Variants in EDNRB observed in about 807,000 individuals in gnomAD.
EDNRB encodes the protein Hirschsprung disease 2.
A neutral mutation model predicts 46.4 loss-of-function variants in EDNRB; 18 were observed. The observed-to-expected ratio is 0.39, with a 90% CI of 0.27 to 0.57. The LOEUF (loss-of-function observed/expected upper bound fraction) is 0.57. Ranked by LOEUF, EDNRB falls within the 20% of genes least tolerant of loss-of-function variation. EDNRB has a pLI of 0.61. For missense variants in EDNRB, 434 were observed against 537.5 expected (o/e 0.81, Z 1.90); for synonymous variants, 213 against 204.9 (o/e 1.04, Z -0.34).
intron 1 of EDNRB, among the ~76,000 whole-genome samples, chr13:77,924,802 GA>G: frequency 6.6e-6 from 1 of 152,256 alleles, no homozygotes; most frequent in Non-Finnish European, 1.5e-5. Context: ...CTGTTCTCGT[GA>G]TAGTGAATGG....
rs142052974 is a variant in EDNRB at position 77,930,127 on chromosome 13, A to G, written c.-51-11503T>C. Among the ~76,000 whole-genome samples, 535 of 152,242 alleles carry G rather than the reference A, an allele frequency of 3.5e-3. 2 individuals are homozygous for G. The highest frequency in any genetic ancestry group is 6.2e-3 in the Non-Finnish European group (423 of 68,000). ...GGATTGCCTTTTTTTTTGATGATCA[A>G]CTATACGAGGAGCAGGAAATGGGCA... On this transcript the variant is annotated intron_variant, in intron 1 of 7. Transcript: ENST00000646948.
At chr13:77,903,835 G>A (rs545564193) in intron 1 of EDNRB, among the ~76,000 whole-genome samples, 32 of 152,048 alleles carry the variant, frequency 2.1e-4, no homozygotes, top group African/African-American at 7.7e-4. Context: ...GTCATCATGC[G>A]TATACAGTAG....
upstream of EDNRB, among the ~76,000 whole-genome samples, chr13:77,924,192 A>C (rs778921674): frequency 2.0e-5 from 3 of 152,226 alleles, no homozygotes; most frequent in Non-Finnish European, 4.4e-5. Context: ...AGCCATGCCA[A>C]TTTCATAAGG....
At chr13:77,912,905 C>G (rs532404616) in intron 1 of EDNRB, among the ~76,000 whole-genome samples, 59 of 152,116 alleles carry the variant, frequency 3.9e-4, no homozygotes, top group Non-Finnish European at 7.2e-4. Context: ...TTAGACTCCT[C>G]TCCCAATGAT....
chr13:77,921,810 C>A (rs1449669896), upstream of EDNRB, among the ~76,000 whole-genome samples: 3 of 152,172 alleles, frequency 2.0e-5, no homozygotes, highest in Non-Finnish European at 4.4e-5. Flanking sequence ...TTACTTCTTG[C>A]TCCAATAAAT....
At chr13:77,935,712 G>C (rs1880541511) in intron 1 of EDNRB, among the ~76,000 whole-genome samples, 1 of 152,200 alleles carries the variant, frequency 6.6e-6, no homozygotes, top group South Asian at 2.1e-4. Context: ...GTACAGCCCA[G>C]GTAATTTGCT....
chr13:77,945,893 A>C (rs200804476), intron 1 of EDNRB, among the ~76,000 whole-genome samples: 185 of 139,158 alleles, frequency 1.3e-3, no homozygotes, highest in African/African-American at 3.8e-3. Flanking sequence ...AAAAAAAAAA[A>C]CAAAAAAAAC....
In EDNRB at chr13:77,896,308, G is replaced by A. The variant is rs41288258; in HGVS notation, c.*1892C>T. On this transcript the variant is annotated 3_prime_UTR_variant, in exon 7 of 7. Transcript: ENST00000646607. Reference sequence around the variant, plus strand: ...ATATTAATAAACTGTGAAAATATTAGTGATTCAAAATTAATTTAAAATTGA... The same window carrying A: ...ATATTAATAAACTGTGAAAATATTAATGATTCAAAATTAATTTAAAATTGA... The A allele has an allele frequency of 1.9e-5, 15 of 790,868 alleles. No individual in the cohort carries two copies. Among genetic ancestry groups the A allele is most frequent in the Non-Finnish European group, 2.7e-5 (15 of 554,582 alleles). The allele number at this position is 790,868 out of a possible 1,614,324, so 49.0% of individuals were successfully genotyped here. A position where few individuals can be genotyped will look rare whatever the true frequency, so the allele number is the denominator to read the frequency against.
intron 1 of EDNRB, among the ~76,000 whole-genome samples, chr13:77,958,883 T>A (rs1248492613): frequency 6.6e-6 from 1 of 152,174 alleles, no homozygotes; most frequent in Non-Finnish European, 1.5e-5. Context: ...TTCTATCTGA[T>A]CTGAGCACCT....
At chr13:77,938,353 G>T (rs1880630296) in intron 1 of EDNRB, among the ~76,000 whole-genome samples, 1 of 151,916 alleles carries the variant, frequency 6.6e-6, no homozygotes, top group Non-Finnish European at 1.5e-5. Context: ...AAGAGGTCGG[G>T]GTATGGAAAT....
intron 1 of EDNRB, among the ~76,000 whole-genome samples, chr13:77,964,373 C>T (rs997242590): frequency 6.6e-6 from 1 of 152,174 alleles, no homozygotes; most frequent in African/African-American, 2.4e-5. Context: ...CACTTGGAAC[C>T]AACCCAAATG....
rs548091290 is a variant in EDNRB, at chr13:77,925,009, A to G, written c.-51-6385T>C. Among the ~76,000 whole-genome samples the G allele has an allele frequency of 7.2e-5, 11 of 152,334 alleles. No individual in the cohort carries two copies. The South Asian group carries it at 2.3e-3, about 32-fold the overall frequency. Reference sequence around the variant, plus strand: ...ATTACCCTATCCCAGATATATGTTTATCAGCAGCCTGAAAACGGACTAACA... The same window carrying G: ...ATTACCCTATCCCAGATATATGTTTGTCAGCAGCCTGAAAACGGACTAACA... On this transcript the variant is annotated intron_variant, in intron 1 of 7. Coordinates refer to the EDNRB transcript ENST00000646948.
At chr13:77,959,132 T>G (rs1290686082) in intron 1 of EDNRB, among the ~76,000 whole-genome samples, 1 of 152,178 alleles carries the variant, frequency 6.6e-6, no homozygotes, top group African/African-American at 2.4e-5. Context: ...ATGCAATCCT[T>G]CATCATTACT....
At chr13:77,963,199 G>A (rs1265472689) in intron 1 of EDNRB, among the ~76,000 whole-genome samples, 2 of 152,130 alleles carry the variant, frequency 1.3e-5, no homozygotes, top group East Asian at 1.9e-4. Context: ...TACTGCCCAA[G>A]TAATTTATAG....
intron 1 of EDNRB, among the ~76,000 whole-genome samples, chr13:77,909,155 A>C (rs1879444100): frequency 6.6e-6 from 1 of 152,070 alleles, no homozygotes. Flanking sequence ...ATACTGGCTA[A>C]AAGATTTCTA....
chr13:77,897,021 T>G lies in EDNRB; in HGVS notation c.*1179A>C. 1 of 988,848 alleles carries G rather than the reference T, an allele frequency of 1.0e-6. No individual in the cohort carries two copies. 61.3% of individuals were successfully genotyped at this position (988,848 alleles called of 1,614,324 possible). A position where few individuals can be genotyped will look rare whatever the true frequency, so the allele number is the denominator to read the frequency against. ...ATAAGCTTTACAGGTAGCTGTTAAATGTACTAATCTGTATGATTTTGAAAA... is the reference window on the plus strand; with the variant it reads ...ATAAGCTTTACAGGTAGCTGTTAAAGGTACTAATCTGTATGATTTTGAAAA... On this transcript the variant is annotated 3_prime_UTR_variant, in exon 7 of 7. Transcript: ENST00000646607.
At chr13:77,948,193 G>T (rs1472512144) in intron 1 of EDNRB, among the ~76,000 whole-genome samples, 2 of 152,136 alleles carry the variant, frequency 1.3e-5, no homozygotes, top group Non-Finnish European at 1.5e-5. Context: ...GTTGAAGATA[G>T]ATTTACTTTT....
At chr13:77,910,671 A>G (rs1463986175) in intron 1 of EDNRB, among the ~76,000 whole-genome samples, 5 of 152,030 alleles carry the variant, frequency 3.3e-5, no homozygotes, top group African/African-American at 1.2e-4. Flanking sequence ...AGTTAGAAAT[A>G]TGTGGGTCAG....
At chr13:77,935,508 G>A (rs1021060828) in intron 1 of EDNRB, among the ~76,000 whole-genome samples, 5 of 152,194 alleles carry the variant, frequency 3.3e-5, no homozygotes, top group Non-Finnish European at 7.3e-5. Context: ...ATCTAAAGTC[G>A]AAAGTATCTA....
Sources: allele counts gnomAD v4.1 joint callset (sites outside exome capture counted in the v4.1 genomes callset), GRCh38; gene constraint gnomAD v4.1.1; transcripts MANE v1.5; gene names NCBI Gene and HGNC (gene_info 2026-07-23, HGNC 2026-07-21).